Variants in OXCT1 observed in about 807,000 individuals in gnomAD.
OXCT1 encodes succinyl-CoA:3-ketoacid coenzyme A transferase 1, mitochondrial.
A neutral mutation model predicts 69.6 loss-of-function variants in OXCT1; 27 were observed. The observed-to-expected ratio is 0.39, with a 90% CI of 0.29 to 0.54. The LOEUF is 0.54. Ranked by LOEUF, OXCT1 falls within the 20% of genes least tolerant of loss-of-function variation. The probability of loss-of-function intolerance (pLI) is 0.72; values close to 1 mark genes in which losing one functional copy is unlikely to be tolerated. For synonymous variants in OXCT1, 202 were observed against 217.8 expected (o/e 0.93, Z 0.64); for missense variants, 437 against 650.2 (o/e 0.67, Z 3.57).
intron 13 of OXCT1, among the ~76,000 whole-genome samples, chr5:41,793,601 A>G (rs1219367415): frequency 6.6e-6 from 1 of 152,280 alleles, no homozygotes; most frequent in Non-Finnish European, 1.5e-5. Context: ...GATTTCAATC[A>G]CTGATTAATA....
intron 5 of OXCT1, 88 bp from the exon 6 acceptor site, chr5:41,842,869 A>G: frequency 1.1e-6 from 1 of 914,000 alleles, no homozygotes; most frequent in East Asian, 2.4e-5. Flanking sequence ...TAATAAGGAT[A>G]CAAGCCTACT....
intron 15 of OXCT1, among the ~76,000 whole-genome samples, chr5:41,745,061 C>T (rs1743398662): frequency 1.3e-5 from 2 of 152,006 alleles, no homozygotes; most frequent in African/African-American, 4.8e-5. Context: ...CTAATAGATA[C>T]TACAGAACTC....
At chr5:41,776,549 C>T (rs1336268074) in intron 13 of OXCT1, among the ~76,000 whole-genome samples, 1 of 152,190 alleles carries the variant, frequency 6.6e-6, no homozygotes, top group Non-Finnish European at 1.5e-5. Flanking sequence ...AAGCCTGTTG[C>T]TAAACGGCTT....
At chr5:41,799,053 T>C (rs994623540) in intron 11 of OXCT1, among the ~76,000 whole-genome samples, 1 of 152,230 alleles carries the variant, frequency 6.6e-6, no homozygotes, top group Non-Finnish European at 1.5e-5. Flanking sequence ...TGTAAAACTA[T>C]ACAACTGGTA....
intron 7 of OXCT1, among the ~76,000 whole-genome samples, chr5:41,812,099 A>G (rs151039849): frequency 6.6e-6 from 1 of 152,208 alleles, no homozygotes; most frequent in African/African-American, 2.4e-5. Context: ...TTGCAGAATA[A>G]AAACACTGAG....
intron 7 of OXCT1, among the ~76,000 whole-genome samples, chr5:41,832,414 G>A (rs917762406): frequency 5.3e-5 from 8 of 151,966 alleles, no homozygotes; most frequent in African/African-American, 1.9e-4. Context: ...GTCTCTACCT[G>A]GTAACCCAGA....
intron 16 of OXCT1, among the ~76,000 whole-genome samples, chr5:41,738,016 C>T (rs1212893286): frequency 6.6e-6 from 1 of 152,014 alleles, no homozygotes; most frequent in East Asian, 1.9e-4. Flanking sequence ...GATCGCGCCA[C>T]TGCACTCCAG....
intron 10 of OXCT1, among the ~76,000 whole-genome samples, chr5:41,802,355 C>T (rs903423375): frequency 6.6e-6 from 1 of 151,960 alleles, no homozygotes; most frequent in African/African-American, 2.4e-5. Flanking sequence ...AAATCCCTGC[C>T]ATTGTTAATT....
chr5:41,819,367 T>C (rs1040076609), intron 7 of OXCT1, among the ~76,000 whole-genome samples: 2 of 144,202 alleles, frequency 1.4e-5, no homozygotes, highest in African/African-American at 2.5e-5. Context: ...TCTTCCTTTT[T>C]TGGGGGGGAT....
intron 6 of OXCT1, 27 bp from the exon 7 acceptor site, chr5:41,840,538 TG>T (rs752711750): frequency 3.0e-5 from 46 of 1,555,074 alleles, no homozygotes; most frequent in Non-Finnish European, 3.7e-5. Context: ...GATAAGAAAG[TG>T]GGGGGGAAAA....
Position 41,853,499 on chromosome 5 carries a change from C to T in OXCT1, c.334G>A (p.Val112Ile), listed in dbSNP as rs2112450002. The T allele has an allele frequency of 6.2e-7, 1 of 1,613,626 alleles. No individual in the cohort carries two copies. The change falls in exon 4 of 17, where the codon GTC becomes ATC. Residue 112 changes from valine (V) to isoleucine (I), a missense_variant. Physicochemically the swap from Val to Ile is conservative, Grantham distance 29. Coordinates refer to ENST00000196371, the MANE Select transcript of OXCT1 (RefSeq NM_000436.4). ...LLRSKQIKRMVSSYVGENAEF... is the reference protein window; with the variant it reads ...LLRSKQIKRMISSYVGENAEF... ...GCATTTTCTCCCACATATGAAGAGA[C>T]CATGCGTTTTATCTGCTTGGACCGA...
intron 5 of OXCT1, 88 bp downstream of exon 5, chr5:41,849,942 G>T: frequency 7.5e-7 from 1 of 1,331,620 alleles, no homozygotes; most frequent in Non-Finnish European, 1.1e-6. Flanking sequence ...ACATAGAGGT[G>T]ATTTTATACT....
At chr5:41,753,185 C>A (rs1292907932) in intron 14 of OXCT1, among the ~76,000 whole-genome samples, 1 of 152,008 alleles carries the variant, frequency 6.6e-6, no homozygotes, top group Non-Finnish European at 1.5e-5. Flanking sequence ...AATACATTCA[C>A]CTGAAATCTT....
At chr5:41,844,376 A>AC (rs1748790326) in intron 5 of OXCT1, among the ~76,000 whole-genome samples, 1 of 152,162 alleles carries the variant, frequency 6.6e-6, no homozygotes, top group Non-Finnish European at 1.5e-5. Flanking sequence ...GCCCTGTATT[A>AC]CCAACCTCTT....
intron 9 of OXCT1, among the ~76,000 whole-genome samples, chr5:41,804,012 T>C (rs1186391377): frequency 6.6e-6 from 1 of 152,082 alleles, no homozygotes; most frequent in African/African-American, 2.4e-5. Flanking sequence ...TCTGATGAGA[T>C]TCTAACAGTG....
At chr5:41,805,893 T>G (rs550381531) in intron 8 of OXCT1, among the ~76,000 whole-genome samples, 10 of 152,080 alleles carry the variant, frequency 6.6e-5, no homozygotes, top group Non-Finnish European at 1.3e-4. Context: ...CAGATTTGTT[T>G]AAAGAGGAAG....
intron 7 of OXCT1, among the ~76,000 whole-genome samples, chr5:41,839,683 T>G (rs905271008): frequency 6.6e-5 from 10 of 152,312 alleles, no homozygotes; most frequent in African/African-American, 2.2e-4. Flanking sequence ...AATCAAAAGA[T>G]ACCACATACA....
At chr5:41,834,500 AAAAAC>A (rs1419101055) in intron 7 of OXCT1, among the ~76,000 whole-genome samples, 1 of 147,734 alleles carries the variant, frequency 6.8e-6, no homozygotes, top group East Asian at 1.9e-4. Context: ...AAAAAAAAAA[AAAAAC>A]AAAACAGAAC....
intron 11 of OXCT1, among the ~76,000 whole-genome samples, chr5:41,797,635 G>C (rs892689376): frequency 2.6e-5 from 4 of 152,008 alleles, no homozygotes; most frequent in Admixed American, 2.6e-4. Context: ...TGAGTCCTTT[G>C]GCTCACGATT....
Sources: allele counts gnomAD v4.1 joint callset (sites outside exome capture counted in the v4.1 genomes callset), GRCh38; gene constraint gnomAD v4.1.1; transcripts MANE v1.5; gene names NCBI Gene and HGNC (gene_info 2026-07-23, HGNC 2026-07-21).